The following TSEN54 variants were observed in gnomAD, a reference collection of about 807,000 sequenced individuals.
TSEN54 encodes tRNA splicing endonuclease subunit 54.
TSEN54 carries 55 observed loss-of-function variants against 61.9 expected under a neutral mutation model. The ratio of observed to expected loss-of-function variants is 0.89; its 90% CI spans 0.72 to 1.11. The LOEUF (loss-of-function observed/expected upper bound fraction) is 1.11. TSEN54 is among the 50% of genes most tolerant of loss of function. The pLI, the probability that TSEN54 is intolerant of heterozygous loss-of-function variation, is 0.00. For missense variants in TSEN54, 760 were observed against 687.7 expected (o/e 1.11, Z -1.18); for synonymous variants, 304 against 288.7 (o/e 1.05, Z -0.54).
intron 5 of TSEN54, 123 bp downstream of exon 5, chr17:75,517,778 G>T (rs1015856385): frequency 2.4e-6 from 2 of 849,790 alleles, no homozygotes; most frequent in African/African-American, 3.3e-5. Context: ...CGAGGGCTAT[G>T]CTGTCACGAG....
At chr17:75,521,378 C>A (rs1183347237) in intron 6 of TSEN54, 31 bp from the exon 7 acceptor site, 1 of 1,585,138 alleles carries the variant, frequency 6.3e-7, no homozygotes, top group South Asian at 1.1e-5. Context: ...GGAGGTGGGT[C>A]AGTGGCCCAC....
intron 6 of TSEN54, among the ~76,000 whole-genome samples, chr17:75,520,579 CTA>C (rs1375860891): frequency 1.1e-5 from 1 of 94,888 alleles, no homozygotes; most frequent in Non-Finnish European, 2.3e-5. Context: ...AAGCGAAACT[CTA>C]TCTCAAAAAA....
rs780158830 is a variant in TSEN54 at position 75,521,390 on chromosome 17, C to T, written c.522-19C>T. Reference sequence around the variant, plus strand: ...TGAGGAGGTGGGTCAGTGGCCCACCCGCTGTTCTCACCCCACAGCTCTGTC... The same window carrying T: ...TGAGGAGGTGGGTCAGTGGCCCACCTGCTGTTCTCACCCCACAGCTCTGTC... On this transcript the variant is annotated intron_variant, in intron 6 of 10. Coordinates refer to ENST00000333213, the MANE Select transcript of TSEN54 (RefSeq NM_207346.3). The T allele has an allele frequency of 1.6e-5, 25 of 1,607,668 alleles. No homozygotes were observed. Among genetic ancestry groups the T allele is most frequent in the East Asian group, 6.7e-5 (3 of 44,854 alleles).
rs570110551 is a variant in TSEN54, at chr17:75,519,160, C to T, written c.521+113C>T. ...TGGAACCCTTGGCTGGAGTGCAGTT[C>T]CTTGGGCACAGACTGGGGGCGCCTG... On this transcript the variant is annotated intron_variant, in intron 6 of 10. Coordinates refer to ENST00000333213, the MANE Select transcript of TSEN54 (RefSeq NM_207346.3). 6 of 1,229,328 alleles carry T rather than the reference C, an allele frequency of 4.9e-6. No homozygotes were observed. In the South Asian group the frequency reaches 7.2e-5, roughly 15 times the overall value. 76.2% of individuals were successfully genotyped at this position (1,229,328 alleles called of 1,614,324 possible). A position where few individuals can be genotyped will look rare whatever the true frequency, so the allele number is the denominator to read the frequency against.
Position 75,519,882 on chromosome 17 carries a change from T to C in TSEN54, c.521+835T>C, listed in dbSNP as rs116877128. On this transcript the variant is annotated intron_variant, in intron 6 of 10. Transcript: ENST00000333213. ...GTCACCACGCCCAGCTCTACATCTT[T>C]TCTTTTCTGAAAGTGGAACCTATCC... is the stretch of plus-strand genomic sequence containing the variant. Among the ~76,000 whole-genome samples, 1,436 of 152,306 alleles carry C rather than the reference T, an allele frequency of 9.4e-3. 32 individuals are homozygous for C. Among genetic ancestry groups the C allele is most frequent in the East Asian group, 0.065 (338 of 5,178 alleles).
intron 6 of TSEN54, among the ~76,000 whole-genome samples, chr17:75,520,494 G>A (rs992394048): frequency 1.1e-4 from 16 of 149,996 alleles, no homozygotes; most frequent in Non-Finnish European, 1.5e-4. Flanking sequence ...GCTGAGGCAC[G>A]AGAATTGCTT....
chr17:75,516,706 C>G, intron 1 of TSEN54, 40 bp from the exon 2 acceptor site: 1 of 1,390,992 alleles, frequency 7.2e-7, no homozygotes, highest in Non-Finnish European at 9.3e-7. Flanking sequence ...CAGGCGGCCC[C>G]CGATGCGCGG....
Position 75,522,227 on chromosome 17 carries a change from G to T in TSEN54, c.1146G>T (p.Lys382Asn). 6.5e-7 allele frequency: 1 copy of T among 1,548,956 alleles called. No homozygotes were observed. Among genetic ancestry groups the T allele is most frequent in the Non-Finnish European group, 8.7e-7 (1 of 1,145,850 alleles). The change falls in exon 8 of 11, where the codon AAG becomes AAT. Residue 382 changes from lysine to asparagine, a missense_variant. Coordinates refer to ENST00000333213, the MANE Select transcript of TSEN54 (RefSeq NM_207346.3). The stretch of plus-strand genomic sequence containing the variant: ...GGTGCTCCAGCTGGCGGGAGTACAA[G>T]GAGCTGCTGCAGCGGCGGCAGGTGC... Reference protein sequence around the residue: ...VQRCSSWREYKELLQRRQVQR... With the variant: ...VQRCSSWREYNELLQRRQVQR...
intron 6 of TSEN54, 22 bp downstream of exon 6, chr17:75,519,069 C>G: frequency 6.2e-7 from 1 of 1,613,824 alleles, no homozygotes; most frequent in Non-Finnish European, 8.5e-7. Context: ...TCCTGTTCCC[C>G]TTCCATATAT....
Sources: gnomAD v4.1 joint callset for allele counts (sites outside exome capture counted in the v4.1 genomes callset) on GRCh38, gnomAD v4.1.1 for gene constraint, MANE v1.5 for transcripts, NCBI Gene and HGNC (gene_info 2026-07-23, HGNC 2026-07-21) for gene names.